Variants in RSL1D1 observed in about 807,000 individuals in gnomAD.
RSL1D1 encodes the protein ribosomal L1 domain-containing protein 1.
A neutral mutation model predicts 44.6 loss-of-function variants in RSL1D1; 34 were observed. The observed-to-expected ratio is 0.76, with a 90% confidence interval of 0.58 to 1.02. The LOEUF is 1.02. Among genes scored for constraint, RSL1D1 ranks in the 50% least tolerant of loss-of-function variants. RSL1D1 has a pLI of 0.00. For synonymous variants in RSL1D1, 271 were observed against 207.4 expected (o/e 1.31, Z -2.63); for missense variants, 767 against 568.1 (o/e 1.35, Z -3.56).
At chr16:11,839,645 C>T in intron 8 of RSL1D1, 50 bp downstream of exon 8, 1 of 1,597,680 alleles carries the variant, frequency 6.3e-7, no homozygotes, top group Non-Finnish European at 8.5e-7. Context: ...CTGCCTGACA[C>T]AGTAGCCACT....
chr16:11,846,713 T>C lies in RSL1D1; in HGVS notation c.515A>G (p.His172Arg). ...AACTTACTTCTTTCTTTGATAGAAA[T>C]GTCTCCCAATGAGTGAGGGTAAGAG... is the stretch of plus-strand genomic sequence containing the variant. ...RRLLPSLIGR[H>R]FYQRKKVPVS... Residue 172 changes from histidine (H) to arginine (R), a missense_variant, in exon 4 of 9, where the codon CAT (histidine) becomes CGT (arginine). By Grantham distance (29) the His-to-Arg change is conservative. Coordinates refer to ENST00000571133, the MANE Select transcript of RSL1D1 (RefSeq NM_015659.3). 1 of 1,613,910 alleles carries C rather than the reference T, an allele frequency of 6.2e-7. No homozygotes were observed. Among genetic ancestry groups the C allele is most frequent in the Admixed American group, 1.7e-5 (1 of 59,920 alleles).
chr16:11,836,594 C>T lies in RSL1D1; in HGVS notation c.*1193G>A, dbSNP rs900756997. 1.3e-5 allele frequency: 2 copies of T among 152,180 alleles called. No individual in the cohort carries two copies. Among genetic ancestry groups the T allele is most frequent in the African/African-American group, 4.8e-5 (2 of 41,452 alleles). The allele number at this position is 152,180 out of a possible 1,614,324, so 9.4% of individuals were successfully genotyped here. On this transcript the variant is annotated 3_prime_UTR_variant, in exon 9 of 9. Coordinates refer to ENST00000571133, the MANE Select transcript of RSL1D1 (RefSeq NM_015659.3). The stretch of plus-strand genomic sequence containing the variant: ...TCATACATAAGCAAATCCATATGGA[C>T]TGAGGAATAAGGAGGAAGAGGATAA...
rs1460777135 is a variant in RSL1D1 at position 11,841,799 on chromosome 16, G to A, written c.751C>T (p.Leu251=). 8.7e-6 allele frequency: 14 copies of A among 1,613,850 alleles called. No homozygotes were observed. The highest frequency in any genetic ancestry group is 1.1e-5 in the Non-Finnish European group (13 of 1,179,986). The change falls in exon 7 of 9, where the codon CTG becomes TTG. Residue 251 remains leucine (L), a synonymous_variant. Transcript: ENST00000571133. ...GCCGATTTCTCAGTTTTCACAAACA[G>A]GAGTTTCACGCTCTCCCACTTCTGA... ...LPEKWESVKL[L]FVKTEKSAAL...
In RSL1D1 at chr16:11,848,966, T is replaced by C. The variant is rs542861421; in HGVS notation, c.246-1160A>G. 1.1e-4 allele frequency among the ~76,000 whole-genome samples: 16 copies of C among 152,140 alleles called. No homozygotes were observed. In the South Asian group the frequency reaches 1.5e-3, roughly 14 times the overall value. ...CTAATTTTTGTATTTTTAGGAGACA[T>C]GGGATTTCGCCATGTTGGGTCAGGA... On this transcript the variant is annotated intron_variant, in intron 2 of 8. Transcript: ENST00000571133.
rs2053829978 is a variant in RSL1D1, at chr16:11,850,528, T to C, written c.106-110A>G. 5 of 1,099,460 alleles carry C rather than the reference T, an allele frequency of 4.5e-6. No homozygotes were observed. In the South Asian group the frequency reaches 6.0e-5, roughly 13 times the overall value. The allele number at this position is 1,099,460 out of a possible 1,614,324, so 68.1% of individuals were successfully genotyped here. A position where few individuals can be genotyped will look rare whatever the true frequency, so the allele number is the denominator to read the frequency against. On this transcript the variant is annotated intron_variant, in intron 1 of 8. Transcript: ENST00000571133. ...CATTTGCCCCCTCCCACACCTTCTA[T>C]TTTTTCCCTTCCAACTTCTATTTCA... is the stretch of plus-strand genomic sequence containing the variant.
intron 3 of RSL1D1, 73 bp from the exon 4 acceptor site, chr16:11,846,916 A>C: frequency 7.8e-7 from 1 of 1,281,912 alleles, no homozygotes; most frequent in South Asian, 1.3e-5. Context: ...TTAGGCAACA[A>C]TTTGGATTTG....
In RSL1D1 at chr16:11,846,844, C is replaced by G. The variant is rs768892256; in HGVS notation, c.385-1G>C. On this transcript the variant is annotated splice_acceptor_variant, in intron 3 of 8. Transcript: ENST00000571133. LOFTEE classifies it high-confidence loss of function. ...TCTTTAGAGTTTGGAGGGAGATAATCTAGGAAGTATAGAGAAGAATAAAAA... is the reference window on the plus strand; with the variant it reads ...TCTTTAGAGTTTGGAGGGAGATAATGTAGGAAGTATAGAGAAGAATAAAAA... 6.2e-7 allele frequency: 1 copy of G among 1,603,006 alleles called. No individual in the cohort carries two copies. Among genetic ancestry groups the G allele is most frequent in the South Asian group, 1.1e-5 (1 of 90,784 alleles).
rs2141249862 is a variant in RSL1D1 at position 11,837,980 on chromosome 16, C to T, written c.1280G>A (p.Ser427Asn). 4 of 1,614,004 alleles carry T rather than the reference C, an allele frequency of 2.5e-6. No homozygotes were observed. The highest frequency in any genetic ancestry group is 1.7e-5 in the Admixed American group (1 of 59,970). Residue 427 changes from serine (S) to asparagine (N), a missense_variant, in exon 9 of 9, where the codon AGC (serine) becomes AAC (asparagine). Coordinates refer to ENST00000571133, the MANE Select transcript of RSL1D1 (RefSeq NM_015659.3). ...TTTGATTTTTGGCTTCTTCTCTGGG[C>T]TTTTCCCTGGGGTCTCAGACTCTGC... ...KAAESETPGK[S>N]PEKKPKIKEE...
intron 8 of RSL1D1, 57 bp downstream of exon 8, chr16:11,839,638 C>A: frequency 6.3e-7 from 1 of 1,593,458 alleles, no homozygotes. Flanking sequence ...ACAGTACCTG[C>A]CTGACACAGT....
At chr16:11,842,843 C>T (rs928204860) in intron 5 of RSL1D1, among the ~76,000 whole-genome samples, 12 of 151,802 alleles carry the variant, frequency 7.9e-5, no homozygotes, top group Non-Finnish European at 1.3e-4. Context: ...GCAACCTTCG[C>T]CTCCTGGGTT....
chr16:11,839,526 TAAAAAAAAAA>T (rs55657359), intron 8 of RSL1D1, among the ~76,000 whole-genome samples, 159 bp downstream of exon 8: 3 of 121,446 alleles, frequency 2.5e-5, no homozygotes. Context: ...AGATCCCATC[TAAAAAAAAAA>T]AAAAAAAAAA....
At chr16:11,845,800 C>T (rs2053793539) in intron 5 of RSL1D1, among the ~76,000 whole-genome samples, 1 of 151,912 alleles carries the variant, frequency 6.6e-6, no homozygotes, top group Non-Finnish European at 1.5e-5. Flanking sequence ...TGGCTCACTG[C>T]AGTCTTGACC....
rs903806401 is a variant in RSL1D1, at chr16:11,851,126, A to G, written c.105+282T>C. ...CCTGCAAAACTAAGCGATTCGGTCA[A>G]GCGCTAATGATAGGGAAGCTAAGCC... On this transcript the variant is annotated intron_variant, in intron 1 of 8. Coordinates refer to ENST00000571133, the MANE Select transcript of RSL1D1 (RefSeq NM_015659.3). The G allele has an allele frequency of 1.2e-5, 6 of 496,024 alleles. No homozygotes were observed. In the Admixed American group the frequency reaches 1.6e-4, roughly 14 times the overall value. The allele number at this position is 496,024 out of a possible 1,614,324, so 30.7% of individuals were successfully genotyped here. A position where few individuals can be genotyped will look rare whatever the true frequency, so the allele number is the denominator to read the frequency against.
intron 8 of RSL1D1, among the ~76,000 whole-genome samples, chr16:11,838,800 T>C (rs2053740215): frequency 7.0e-6 from 1 of 143,342 alleles, no homozygotes; most frequent in South Asian, 2.1e-4. Flanking sequence ...GAGGTTGCTG[T>C]GAGCCGAGAT....
intron 5 of RSL1D1, among the ~76,000 whole-genome samples, chr16:11,845,454 G>C (rs2053791008): frequency 6.6e-6 from 1 of 152,172 alleles, no homozygotes; most frequent in African/African-American, 2.4e-5. Context: ...TCAAAGCCTA[G>C]AACTAGTCAT....
At position 11,847,741 on chromosome 16, in the gene RSL1D1, T is replaced by C. The variant is rs147137542; in HGVS notation, c.311A>G (p.Asn104Ser). The stretch of plus-strand genomic sequence containing the variant: ...CTGTTCTGTCTTTTCAGGAGTTGAA[T>C]TGGGTTCATCCTTCGTAAATAAACA... ...DICLFTKDEP[N>S]STPEKTEQFY... Residue 104 changes from asparagine to serine, a missense_variant, in exon 3 of 9, where the codon AAT (asparagine) becomes AGT (serine). Transcript: ENST00000571133. 3.2e-5 allele frequency: 51 copies of C among 1,613,064 alleles called. No homozygotes were observed. Among genetic ancestry groups the C allele is most frequent in the African/African-American group, 2.3e-4 (17 of 74,920 alleles).
At position 11,835,104 on chromosome 16, in the gene RSL1D1, T is replaced by TC. The variant is rs2141248500; in HGVS notation, c.*2682dup. The TC allele has an allele frequency of 6.6e-6, 1 of 151,478 alleles. No homozygotes were observed. The highest frequency in any genetic ancestry group is 2.1e-4 in the South Asian group (1 of 4,770). The allele number at this position is 151,478 out of a possible 1,614,324, so 9.4% of individuals were successfully genotyped here. A position where few individuals can be genotyped will look rare whatever the true frequency, so the allele number is the denominator to read the frequency against. On this transcript the variant is annotated 3_prime_UTR_variant, in exon 9 of 9. Transcript: ENST00000571133. The stretch of plus-strand genomic sequence containing the variant: ...GCCTGGGGAACAGAGTAAGACCATC[T>TC]CCCCCACTGCCCGCTACTCTCGCTA...
intron 2 of RSL1D1, among the ~76,000 whole-genome samples, chr16:11,848,455 A>G (rs2053814148): frequency 6.6e-6 from 1 of 152,236 alleles, no homozygotes; most frequent in Admixed American, 6.5e-5. Flanking sequence ...AACCTAGCTT[A>G]ATCAGGACAA....
Position 11,837,996 on chromosome 16 carries a change from C to CA in RSL1D1, c.1263dup (p.Glu422Ter). Reference sequence around the variant, plus strand: ...TTCTCTGGGCTTTTCCCTGGGGTCTCAGACTCTGCAGCTTTTGGGGTCTCA... The same window carrying CA: ...TTCTCTGGGCTTTTCCCTGGGGTCTCAAGACTCTGCAGCTTTTGGGGTCTCA... On this transcript the variant is annotated frameshift_variant, in exon 9 of 9. Coordinates refer to ENST00000571133, the MANE Select transcript of RSL1D1 (RefSeq NM_015659.3). LOFTEE classifies it low-confidence loss of function (END_TRUNC). The CA allele has an allele frequency of 6.2e-7, 1 of 1,614,006 alleles. No individual in the cohort carries two copies.
Sources: allele counts gnomAD v4.1 joint callset (sites outside exome capture counted in the v4.1 genomes callset), GRCh38; gene constraint gnomAD v4.1.1; transcripts MANE v1.5; gene names NCBI Gene and HGNC (gene_info 2026-07-23, HGNC 2026-07-21).